Variants in CSMD1 observed in about 807,000 individuals in gnomAD.
CSMD1 encodes CUB and Sushi multiple domains 1.
A neutral mutation model predicts 417.5 loss-of-function variants in CSMD1; 213 were observed. The observed-to-expected ratio is 0.51, with a 90% CI of 0.46 to 0.57. The LOEUF is 0.57. Among genes scored for constraint, CSMD1 ranks in the 20% least tolerant of loss-of-function variants. The pLI is 0.00. For missense variants in CSMD1, 6,923 were observed against 4,529.7 expected (o/e 1.53, Z -15.17); for synonymous variants, 2,862 against 1,736.8 (o/e 1.65, Z -16.11).
At chr8:3,708,876 A>G (rs1801331775) in intron 6 of CSMD1, among the ~76,000 whole-genome samples, 1 of 152,252 alleles carries the variant, frequency 6.6e-6, no homozygotes, top group African/African-American at 2.4e-5. Context: ...GTTTGCTATA[A>G]TCATGAAAAA....
chr8:3,984,136 G>A (rs1180764658), intron 5 of CSMD1, among the ~76,000 whole-genome samples: 2 of 151,964 alleles, frequency 1.3e-5, no homozygotes, highest in Non-Finnish European at 2.9e-5. Context: ...ATCTGATGGG[G>A]CTGTCAATTG....
chr8:4,480,190 A>T (rs1374651591), intron 2 of CSMD1, among the ~76,000 whole-genome samples: 2 of 150,878 alleles, frequency 1.3e-5, no homozygotes, highest in Non-Finnish European at 3.0e-5. Flanking sequence ...TATCTCACAA[A>T]AAAAAAAAAA....
chr8:3,235,314 T>C (rs551804791), intron 26 of CSMD1, among the ~76,000 whole-genome samples: 1 of 152,198 alleles, frequency 6.6e-6, no homozygotes, highest in Non-Finnish European at 1.5e-5. Flanking sequence ...TTTTATTTAA[T>C]GTTTATCAAA....
intron 52 of CSMD1, among the ~76,000 whole-genome samples, chr8:3,003,239 T>C (rs935237663): frequency 1.3e-5 from 2 of 152,244 alleles, no homozygotes; most frequent in Non-Finnish European, 2.9e-5. Context: ...TAGGAGGAAT[T>C]TGAACTCAAT....
rs79917881 is a variant in CSMD1 at position 3,516,953 on chromosome 8, G to A, written c.1345-23227C>T. Reference sequence around the variant, plus strand: ...GCCCGTCAATCAACGAGTGGATAAAGAGGATGCTTCTGTAAGAATGAGGGT... The same window carrying A: ...GCCCGTCAATCAACGAGTGGATAAAAAGGATGCTTCTGTAAGAATGAGGGT... On this transcript the variant is annotated intron_variant, in intron 10 of 69. Transcript: ENST00000635120. Among the ~76,000 whole-genome samples, 709 of 152,340 alleles carry A rather than the reference G, an allele frequency of 4.7e-3. 2 individuals are homozygous for A. The highest frequency in any genetic ancestry group is 7.8e-3 in the Non-Finnish European group (534 of 68,032).
chr8:3,705,934 T>C (rs1245214242), intron 7 of CSMD1, among the ~76,000 whole-genome samples: 1 of 152,242 alleles, frequency 6.6e-6, no homozygotes, highest in Non-Finnish European at 1.5e-5. Flanking sequence ...AATAGGCATG[T>C]GGGCAGCCAG....
intron 2 of CSMD1, among the ~76,000 whole-genome samples, chr8:4,473,610 T>C (rs1800648542): frequency 6.6e-6 from 1 of 152,184 alleles, no homozygotes; most frequent in African/African-American, 2.4e-5. Flanking sequence ...ACATTGTACA[T>C]CACTTTACCT....
At chr8:3,126,589 T>C (rs1817525348) in intron 41 of CSMD1, among the ~76,000 whole-genome samples, 1 of 152,206 alleles carries the variant, frequency 6.6e-6, no homozygotes, top group Admixed American at 6.5e-5. Context: ...AGTGCACACA[T>C]ACAGAAGCTC....
At chr8:4,598,327 C>G (rs1800390938) in intron 2 of CSMD1, among the ~76,000 whole-genome samples, 1 of 152,162 alleles carries the variant, frequency 6.6e-6, no homozygotes, top group Admixed American at 6.6e-5. Flanking sequence ...TCCTAGCAGT[C>G]TAAACAGCTG....
At chr8:3,440,154 C>T (rs1476531832) in intron 12 of CSMD1, among the ~76,000 whole-genome samples, 1 of 152,158 alleles carries the variant, frequency 6.6e-6, no homozygotes, top group African/African-American at 2.4e-5. Flanking sequence ...CATTTTCATA[C>T]ACATTTTAGA....
intron 3 of CSMD1, among the ~76,000 whole-genome samples, chr8:4,239,361 T>A (rs1177822485): frequency 2.6e-5 from 4 of 152,194 alleles, no homozygotes; most frequent in Non-Finnish European, 4.4e-5. Flanking sequence ...GAACTGCCAA[T>A]GAAGCTGTTT....
chr8:4,353,006 T>G (rs550074820), intron 3 of CSMD1, among the ~76,000 whole-genome samples: 3 of 152,366 alleles, frequency 2.0e-5, no homozygotes, highest in African/African-American at 7.2e-5. Context: ...TGACTAATTA[T>G]TTCCTCTGGA....
intron 5 of CSMD1, among the ~76,000 whole-genome samples, chr8:3,969,215 A>C (rs1462728007): frequency 1.3e-5 from 2 of 152,088 alleles, no homozygotes; most frequent in Non-Finnish European, 2.9e-5. Context: ...GTGACACTGC[A>C]CTCCAGCCTG....
intron 6 of CSMD1, among the ~76,000 whole-genome samples, chr8:3,748,423 T>A (rs1168453545): frequency 6.6e-6 from 1 of 152,124 alleles, no homozygotes; most frequent in Non-Finnish European, 1.5e-5. Flanking sequence ...AGGAGGCCCA[T>A]GTGGAGGTTT....
At chr8:3,259,533 G>A (rs1263707180) in intron 26 of CSMD1, among the ~76,000 whole-genome samples, 1 of 152,116 alleles carries the variant, frequency 6.6e-6, no homozygotes, top group East Asian at 1.9e-4. Context: ...TAAGGGGTAG[G>A]TTATTTTATT....
At chr8:3,182,768 T>C (rs1330152171) in intron 36 of CSMD1, among the ~76,000 whole-genome samples, 1 of 139,110 alleles carries the variant, frequency 7.2e-6, no homozygotes, top group Non-Finnish European at 1.5e-5. Flanking sequence ...TGTGTGTGTG[T>C]ATTGTTAGAG....
rs538421219 is a variant in CSMD1 at position 4,687,343 on chromosome 8, G to A, written c.86-49785C>T. On this transcript the variant is annotated intron_variant, in intron 1 of 69. Transcript: ENST00000635120. Reference sequence around the variant, plus strand: ...TGCATAGATGGAGAAGAGCCAGATCGAACAGGACTAAAGTACATTAAGTAA... The same window carrying A: ...TGCATAGATGGAGAAGAGCCAGATCAAACAGGACTAAAGTACATTAAGTAA... Among the ~76,000 whole-genome samples the A allele has an allele frequency of 1.2e-4, 18 of 152,292 alleles. No homozygotes were observed. In the South Asian group the frequency reaches 3.7e-3, roughly 32 times the overall value.
At chr8:3,924,781 ACT>A (rs1274422227) in intron 5 of CSMD1, among the ~76,000 whole-genome samples, 1 of 151,650 alleles carries the variant, frequency 6.6e-6, no homozygotes, top group Non-Finnish European at 1.5e-5. Context: ...GTACTCTTCA[ACT>A]CTCTATTCGT....
intron 28 of CSMD1, among the ~76,000 whole-genome samples, chr8:3,221,195 C>A (rs1052428872): frequency 6.6e-6 from 1 of 152,132 alleles, no homozygotes; most frequent in Non-Finnish European, 1.5e-5. Flanking sequence ...CAACGCCCAG[C>A]CTGCATTATG....
Sources: gnomAD v4.1 joint callset for allele counts (sites outside exome capture counted in the v4.1 genomes callset) on GRCh38, gnomAD v4.1.1 for gene constraint, MANE v1.5 for transcripts, NCBI Gene and HGNC (gene_info 2026-07-23, HGNC 2026-07-21) for gene names.